ZER1: variants seen among roughly 807,000 people sequenced by gnomAD.
ZER1 encodes the protein zyg-11 related cell cycle regulator, also known as protein zer-1 homolog.
ZER1 carries 11 observed loss-of-function variants against 78.8 expected under a neutral mutation model. The ratio of observed to expected loss-of-function variants is 0.14; its 90% CI spans 0.09 to 0.23. The LOEUF (loss-of-function observed/expected upper bound fraction) is 0.23, where lower values mean the gene tolerates loss of function less well. ZER1 is among the 10% of genes least tolerant of loss of function. ZER1 has a pLI of 1.00. For missense variants in ZER1, 588 were observed against 996.9 expected (o/e 0.59, Z 5.52); for synonymous variants, 400 against 407.0 (o/e 0.98, Z 0.21).
intron 1 of ZER1, among the ~76,000 whole-genome samples, chr9:128,770,488 A>C (rs1401790331): frequency 6.6e-6 from 1 of 152,158 alleles, no homozygotes; most frequent in African/African-American, 2.4e-5. Context: ...ATGCTCTGCC[A>C]CAAGAGAACT....
At chr9:128,748,464 G>T (rs1863571034) in intron 8 of ZER1, among the ~76,000 whole-genome samples, 1 of 151,878 alleles carries the variant, frequency 6.6e-6, no homozygotes, top group African/African-American at 2.4e-5. Context: ...CCAGCTACTG[G>T]GGAGGCTGAG....
rs1456188528 is a variant in ZER1, at chr9:128,732,340, A to G, written c.2244-946T>C. ...CACCTCCCGGATGTACTGGAAAAGAAAACCTAGGGGTGGGCCCCGTCCATT... is the reference window on the plus strand; with the variant it reads ...CACCTCCCGGATGTACTGGAAAAGAGAACCTAGGGGTGGGCCCCGTCCATT... On this transcript the variant is annotated intron_variant, in intron 15 of 15. Transcript: ENST00000291900. The surrounding 1 kb of genome is among the most constrained non-coding windows in gnomAD (Gnocchi z 4.8). Among the ~76,000 whole-genome samples the G allele has an allele frequency of 2.0e-5, 3 of 152,232 alleles. No homozygotes were observed. Among genetic ancestry groups the G allele is most frequent in the Non-Finnish European group, 4.4e-5 (3 of 68,048 alleles).
chr9:128,742,865 G>C, intron 8 of ZER1, 120 bp from the exon 9 acceptor site: 3 of 991,618 alleles, frequency 3.0e-6, no homozygotes, highest in South Asian at 1.7e-5. Flanking sequence ...CGGTTTTCTG[G>C]AAGAGGAGGC....
At chr9:128,738,431 G>A (rs191792879) in intron 13 of ZER1, among the ~76,000 whole-genome samples, 1,823 of 149,868 alleles carry the variant, frequency 0.012, 44 homozygotes, top group African/African-American at 0.043. Flanking sequence ...TGTCGCCCAG[G>A]CTGGAGTGCA....
At chr9:128,733,142 C>T (rs1432596486) in intron 15 of ZER1, 1 of 377,916 alleles carries the variant, frequency 2.6e-6, no homozygotes, top group African/African-American at 2.0e-5. Context: ...TGCTAATACC[C>T]AGTGATAAAA....
rs1255234727 is a variant in ZER1, at chr9:128,731,242, G to C, written c.*95C>G. On this transcript the variant is annotated 3_prime_UTR_variant, in exon 16 of 16. Transcript: ENST00000291900. Reference sequence around the variant, plus strand: ...CCCCATGTCTCTTCACTCCGTGGGAGGCTCCCTCGGAAGGGGCCCGCCCGC... The same window carrying C: ...CCCCATGTCTCTTCACTCCGTGGGACGCTCCCTCGGAAGGGGCCCGCCCGC... 3.3e-6 allele frequency: 4 copies of C among 1,208,682 alleles called. No homozygotes were observed. The highest frequency in any genetic ancestry group is 3.0e-5 in the African/African-American group (2 of 66,416). The allele number at this position is 1,208,682 out of a possible 1,614,324, so 74.9% of individuals were successfully genotyped here. A position where few individuals can be genotyped will look rare whatever the true frequency, so the allele number is the denominator to read the frequency against.
Position 128,731,162 on chromosome 9 carries a change from A to G in ZER1, c.*175T>C, listed in dbSNP as rs1487781239. The G allele has an allele frequency of 8.1e-6, 2 of 245,942 alleles. No individual in the cohort carries two copies. The highest frequency in any genetic ancestry group is 7.4e-6 in the Non-Finnish European group (1 of 134,276). The allele number at this position is 245,942 out of a possible 1,614,324, so 15.2% of individuals were successfully genotyped here. On this transcript the variant is annotated 3_prime_UTR_variant, in exon 16 of 16. Coordinates refer to ENST00000291900, the MANE Select transcript of ZER1 (RefSeq NM_006336.4). Reference sequence around the variant, plus strand: ...CTAACCAAAAAAAAAATATATATATATAATATATATATATCTCACTAACAT... The same window carrying G: ...CTAACCAAAAAAAAAATATATATATGTAATATATATATATCTCACTAACAT...
At chr9:128,733,253 C>G in intron 15 of ZER1, 173 bp downstream of exon 15, 1 of 545,048 alleles carries the variant, frequency 1.8e-6, no homozygotes, top group South Asian at 2.7e-5. Flanking sequence ...ACAATGTGGT[C>G]GAGATGACAT....
chr9:128,760,444 C>T (rs1244770768), intron 1 of ZER1, among the ~76,000 whole-genome samples: 1 of 152,072 alleles, frequency 6.6e-6, no homozygotes, highest in African/African-American at 2.4e-5. Flanking sequence ...CCTTGTGATC[C>T]GCCTGCCTCG....
intron 8 of ZER1, among the ~76,000 whole-genome samples, chr9:128,746,752 C>T (rs2132428696): frequency 6.6e-6 from 1 of 152,090 alleles, no homozygotes; most frequent in Middle Eastern, 3.4e-3. Flanking sequence ...TCTCCTGCCT[C>T]AGCCTCCTGA....
At position 128,739,921 on chromosome 9, in the gene ZER1, C is replaced by G. The variant is rs775929922; in HGVS notation, c.2042+10G>C. 25 of 1,600,308 alleles carry G rather than the reference C, an allele frequency of 1.6e-5. No individual in the cohort carries two copies. The highest frequency in any genetic ancestry group is 6.7e-5 in the Admixed American group (4 of 59,704). On this transcript the variant is annotated intron_variant, in intron 13 of 15. Transcript: ENST00000291900. Reference sequence around the variant, plus strand: ...CCACACCGCATCCCCGCTCCCTGCCCTGCCCACACCTGTAATTGATGTTTC... The same window carrying G: ...CCACACCGCATCCCCGCTCCCTGCCGTGCCCACACCTGTAATTGATGTTTC...
chr9:128,745,139 T>C (rs1863442720), intron 8 of ZER1, among the ~76,000 whole-genome samples: 1 of 151,982 alleles, frequency 6.6e-6, no homozygotes, highest in Non-Finnish European at 1.5e-5. Flanking sequence ...CTCCAGTTGC[T>C]CTACATCCTC....
intron 8 of ZER1, among the ~76,000 whole-genome samples, chr9:128,748,389 G>A (rs1180073371): frequency 3.9e-5 from 5 of 128,862 alleles, no homozygotes; most frequent in Admixed American, 8.3e-5. Flanking sequence ...GTGACAGAGC[G>A]AGACTCTGTC....
At chr9:128,745,277 C>T (rs933278776) in intron 8 of ZER1, among the ~76,000 whole-genome samples, 2 of 147,020 alleles carry the variant, frequency 1.4e-5, no homozygotes, top group African/African-American at 5.1e-5. Flanking sequence ...GCCTCAAAAT[C>T]CTGGGCTGAA....
intron 9 of ZER1, 87 bp downstream of exon 9, chr9:128,742,443 C>T (rs1221665491): frequency 1.3e-6 from 2 of 1,501,110 alleles, no homozygotes; most frequent in Non-Finnish European, 1.8e-6. Flanking sequence ...CAGCCCCAGG[C>T]CCTGCTCTGA....
chr9:128,759,571 G>A (rs981047869), intron 1 of ZER1, among the ~76,000 whole-genome samples: 1 of 151,964 alleles, frequency 6.6e-6, no homozygotes, highest in Non-Finnish European at 1.5e-5. Context: ...CAAGGCAGGT[G>A]GATCATGAGG....
At chr9:128,757,392 TG>T (rs1863892574) in intron 1 of ZER1, among the ~76,000 whole-genome samples, 1 of 151,924 alleles carries the variant, frequency 6.6e-6, no homozygotes, top group Non-Finnish European at 1.5e-5. Flanking sequence ...CACGGTGCCA[TG>T]TGCCTGTAGT....
Position 128,742,617 on chromosome 9 carries a change from C to T in ZER1, c.1488G>A (p.Gln496=). The T allele has an allele frequency of 3.7e-6, 6 of 1,614,244 alleles. No homozygotes were observed. The highest frequency in any genetic ancestry group is 5.1e-6 in the Non-Finnish European group (6 of 1,180,054). ...LNPTRQDESI[Q]RIAVHLCNAL... Reference sequence around the variant, plus strand: ...CATTGCACAGGTGCACGGCGATCCGCTGGATAGACTCGTCCTGCCGCGTGG... The same window carrying T: ...CATTGCACAGGTGCACGGCGATCCGTTGGATAGACTCGTCCTGCCGCGTGG... The change falls in exon 9 of 16, where the codon CAG becomes CAA. Residue 496 remains glutamine (Q), a synonymous_variant. Coordinates refer to ENST00000291900, the MANE Select transcript of ZER1 (RefSeq NM_006336.4).
At chr9:128,743,543 T>C (rs1863377627) in intron 8 of ZER1, among the ~76,000 whole-genome samples, 1 of 152,038 alleles carries the variant, frequency 6.6e-6, no homozygotes, top group African/African-American at 2.4e-5. Context: ...CTCCTCAGCA[T>C]CCTGAGTAGC....
Sources: allele counts gnomAD v4.1 joint callset (sites outside exome capture counted in the v4.1 genomes callset), GRCh38; gene constraint gnomAD v4.1.1; non-coding constraint Gnocchi (gnomAD v3.1); transcripts MANE v1.5; gene names NCBI Gene and HGNC (gene_info 2026-07-23, HGNC 2026-07-21).